Variants in GGTA1 observed in about 807,000 individuals in gnomAD.
GGTA1 encodes the protein glycoprotein alpha-galactosyltransferase 1 (inactive), also known as inactive N-acetyllactosaminide alpha-1,3-galactosyltransferase.
A neutral mutation model predicts 2.6 loss-of-function variants in GGTA1; 5 were observed. The observed-to-expected ratio is 1.92, with a 90% CI of 1.00 to 4.04. The LOEUF is 4.04. Ranked by LOEUF, GGTA1 falls within the 30% of genes most tolerant of loss-of-function variation. GGTA1 has a pLI of 0.00. For synonymous variants in GGTA1, 17 were observed against 5.0 expected, an observed-to-expected ratio of 3.38 and a Z score of -3.19; for missense variants, 50 against 16.7, an observed-to-expected ratio of 2.99 and a Z score of -3.47.
downstream of GGTA1, chr9:121,452,101 G>A (rs2064880837): frequency 6.6e-6 from 1 of 152,624 alleles, no homozygotes. Flanking sequence ...TTTTGACAGT[G>A]GAACAAGAGA....
chr9:121,451,681 C>T (rs138294954), downstream of GGTA1, among the ~76,000 whole-genome samples: 762 of 152,280 alleles, frequency 5.0e-3, 3 homozygotes, highest in African/African-American at 0.018. Context: ...AGCTGTGTTC[C>T]AGCGTGGAAA....
intron 1 of GGTA1, among the ~76,000 whole-genome samples, chr9:121,474,040 G>GA (rs1472643870): frequency 2.0e-5 from 3 of 151,992 alleles, no homozygotes; most frequent in Non-Finnish European, 4.4e-5. Context: ...AGGAAAGAAA[G>GA]AAAGAAAAGA....
chr9:121,452,522 T>C (rs886693546), downstream of GGTA1, among the ~76,000 whole-genome samples: 1 of 151,814 alleles, frequency 6.6e-6, no homozygotes, highest in Non-Finnish European at 1.5e-5. Context: ...TTTATTTTTA[T>C]TTTTTATTTT....
At chr9:121,451,500 C>T (rs2118747511), downstream of GGTA1, among the ~76,000 whole-genome samples, 1 of 152,308 alleles carries the variant, frequency 6.6e-6, no homozygotes, top group African/African-American at 2.4e-5. Context: ...CTAGAACTTT[C>T]AAGTAAGAAT....
intron 1 of GGTA1, among the ~76,000 whole-genome samples, chr9:121,496,431 C>G (rs547281572): frequency 1.5e-4 from 23 of 151,900 alleles, no homozygotes; most frequent in African/African-American, 5.3e-4. Flanking sequence ...AAAATTCAAT[C>G]GTAAAAAATA....
At chr9:121,499,278 G>T (rs1435934695) in intron 1 of GGTA1, among the ~76,000 whole-genome samples, 1 of 151,946 alleles carries the variant, frequency 6.6e-6, no homozygotes, top group African/African-American at 2.4e-5. Context: ...CACAGGCAAG[G>T]ACAGACCCCT....
chr9:121,458,389 A>C (rs1398641200), intron 5 of GGTA1, among the ~76,000 whole-genome samples: 1 of 150,272 alleles, frequency 6.7e-6, no homozygotes, highest in Non-Finnish European at 1.5e-5. Flanking sequence ...GCACTTTGGG[A>C]GGCCGAGGCA....
At chr9:121,448,836 A>G (rs935812960) in intron 7 of GGTA1, among the ~76,000 whole-genome samples, 1 of 152,202 alleles carries the variant, frequency 6.6e-6, no homozygotes, top group African/African-American at 2.4e-5. Context: ...CCCAACATCC[A>G]TAGTTTACAT....
chr9:121,457,297 C>T (rs1314242552), intron 5 of GGTA1, among the ~76,000 whole-genome samples: 1 of 152,126 alleles, frequency 6.6e-6, no homozygotes, highest in East Asian at 1.9e-4. Context: ...GACAGGTAGA[C>T]ACAAGTCACA....
intron 3 of GGTA1, 94 bp from the exon 4 acceptor site, chr9:121,461,411 A>G (rs2064960029): frequency 5.0e-6 from 2 of 397,320 alleles, no homozygotes; most frequent in Admixed American, 7.0e-5. Context: ...GATTACTTTA[A>G]AAAAATAAAA....
intron 1 of GGTA1, among the ~76,000 whole-genome samples, chr9:121,472,310 C>T (rs1828407881): frequency 6.6e-6 from 1 of 152,070 alleles, no homozygotes; most frequent in Non-Finnish European, 1.5e-5. Context: ...GATTGTGGAC[C>T]TCTACTGGAT....
chr9:121,498,963 C>G (rs1431789533), intron 1 of GGTA1, among the ~76,000 whole-genome samples: 1 of 151,714 alleles, frequency 6.6e-6, no homozygotes, highest in Non-Finnish European at 1.5e-5. Context: ...CTGCCATTTC[C>G]AAACGCGGGG....
intron 1 of GGTA1, among the ~76,000 whole-genome samples, chr9:121,496,327 C>G (rs561246388): frequency 3.9e-5 from 6 of 152,280 alleles, no homozygotes; most frequent in Non-Finnish European, 5.9e-5. Context: ...CTTTCCTTCC[C>G]AAGCCCTGGC....
chr9:121,457,059 G>A (rs1365542198), intron 5 of GGTA1, among the ~76,000 whole-genome samples: 1 of 152,246 alleles, frequency 6.6e-6, no homozygotes, highest in Non-Finnish European at 1.5e-5. Context: ...CATGAACAGG[G>A]ATGGCATAGC....
At chr9:121,466,674 C>A (rs1394371390) in intron 2 of GGTA1, among the ~76,000 whole-genome samples, 3 of 151,966 alleles carry the variant, frequency 2.0e-5, no homozygotes, top group African/African-American at 7.3e-5. Flanking sequence ...CAAAAGAGGC[C>A]GGGCATGGTG....
exon 8 of GGTA1, chr9:121,446,523 A>G (rs2064852998): frequency 2.0e-5 from 3 of 152,278 alleles, no homozygotes; most frequent in African/African-American, 7.2e-5. Context: ...AGAAATAGGC[A>G]GACATTGAAC....
At chr9:121,486,260 A>G (rs1486592498) in intron 1 of GGTA1, among the ~76,000 whole-genome samples, 1 of 152,204 alleles carries the variant, frequency 6.6e-6, no homozygotes, top group African/African-American at 2.4e-5. Flanking sequence ...CCAGAACTCC[A>G]TGCCCCAAGA....
exon 8 of GGTA1, chr9:121,446,514 G>C (rs1387813158): frequency 6.6e-6 from 1 of 152,208 alleles, no homozygotes; most frequent in Non-Finnish European, 1.5e-5. Context: ...AGACCCATCA[G>C]AAATAGGCAG....
downstream of GGTA1, among the ~76,000 whole-genome samples, chr9:121,450,513 G>T (rs1216415587): frequency 6.6e-6 from 1 of 152,184 alleles, no homozygotes; most frequent in Non-Finnish European, 1.5e-5. Flanking sequence ...GTCCTCCCTT[G>T]TCTCAGAGCT....
Sources: gnomAD v4.1 joint callset for allele counts (sites outside exome capture counted in the v4.1 genomes callset) on GRCh38, gnomAD v4.1.1 for gene constraint, MANE v1.5 for transcripts, NCBI Gene and HGNC (gene_info 2026-07-23, HGNC 2026-07-21) for gene names.